The following ATP8A2 variants were observed in gnomAD, a reference collection of about 807,000 sequenced individuals.
The protein encoded by ATP8A2 is phospholipid-transporting ATPase IB.
A neutral mutation model predicts 165.6 loss-of-function variants in ATP8A2; 100 were observed. The observed-to-expected ratio is 0.60, with a 90% confidence interval of 0.51 to 0.71. ATP8A2 has a LOEUF of 0.71. Ranked by LOEUF, ATP8A2 falls within the 30% of genes least tolerant of loss-of-function variation. The pLI, the probability that ATP8A2 is intolerant of heterozygous loss-of-function variation, is 0.00. For synonymous variants in ATP8A2, 543 were observed against 548.8 expected (o/e 0.99, Z 0.15); for missense variants, 1,227 against 1,479.5 (o/e 0.83, Z 2.80).
At chr13:25,514,660 G>A (rs1174184856) in intron 2 of ATP8A2, among the ~76,000 whole-genome samples, 1 of 152,186 alleles carries the variant, frequency 6.6e-6, no homozygotes, top group Middle Eastern at 3.2e-3. Flanking sequence ...ACTCTTTATA[G>A]TTTATCTTGT....
chr13:25,893,022 A>AT (rs1169575531), intron 33 of ATP8A2, among the ~76,000 whole-genome samples: 2 of 150,334 alleles, frequency 1.3e-5, no homozygotes, highest in Non-Finnish European at 3.0e-5. Context: ...TCCAGAGAAG[A>AT]TTTTTTTTTC....
chr13:25,693,658 C>T (rs1212044778), intron 24 of ATP8A2, among the ~76,000 whole-genome samples: 1 of 130,548 alleles, frequency 7.7e-6, no homozygotes, highest in Non-Finnish European at 1.7e-5. Flanking sequence ...AGAGACATCC[C>T]TCAGATCTCT....
chr13:25,405,664 T>C (rs1426812238), intron 1 of ATP8A2, among the ~76,000 whole-genome samples: 1 of 152,122 alleles, frequency 6.6e-6, no homozygotes, highest in Non-Finnish European at 1.5e-5. Flanking sequence ...ATAAAGCTCA[T>C]TCAGGGCCAC....
chr13:25,470,646 A>G (rs2035817259), intron 2 of ATP8A2, among the ~76,000 whole-genome samples: 1 of 152,230 alleles, frequency 6.6e-6, no homozygotes, highest in Non-Finnish European at 1.5e-5. Context: ...CGTCCACACA[A>G]AAACTCATAC....
At chr13:25,945,984 CTCAGGGTTCTGGTGAAATGGA>C (rs1455345712) in intron 33 of ATP8A2, among the ~76,000 whole-genome samples, 5 of 152,210 alleles carry the variant, frequency 3.3e-5, no homozygotes, top group African/African-American at 1.2e-4. Flanking sequence ...TCTAGGACCT[CTCAGGGTTCTGGTGAAATGGA>C]TCATGTGAGA....
chr13:25,941,917 T>C (rs1453284066), intron 33 of ATP8A2, among the ~76,000 whole-genome samples: 4 of 152,220 alleles, frequency 2.6e-5, no homozygotes, highest in Non-Finnish European at 5.9e-5. Flanking sequence ...GTCCTCCCAG[T>C]CTCACTCCCC....
rs562597528 is a variant in ATP8A2, at chr13:25,421,604, G to T, written c.77-47373G>T. Among the ~76,000 whole-genome samples the T allele has an allele frequency of 4.2e-4, 64 of 152,362 alleles. 1 individual carries two copies. In the South Asian group the frequency reaches 0.013, roughly 31 times the overall value. ...CCTGCCTCAGCCTCCCAAGGACTGG[G>T]ATTACAGGGGTGAAACACCGTGCCT... On this transcript the variant is annotated intron_variant, in intron 1 of 36. Transcript: ENST00000381655.
chr13:25,780,903 A>T (rs2044860464), intron 27 of ATP8A2, among the ~76,000 whole-genome samples: 1 of 152,166 alleles, frequency 6.6e-6, no homozygotes, highest in African/African-American at 2.4e-5. Context: ...GACCAGCACC[A>T]GTCCAGTCCG....
chr13:25,530,298 A>G (rs775734813), intron 3 of ATP8A2, among the ~76,000 whole-genome samples, 200 bp downstream of exon 3: 36 of 152,228 alleles, frequency 2.4e-4, no homozygotes, highest in Non-Finnish European at 5.0e-4. Flanking sequence ...GGATGATTGC[A>G]GTGACTGAAA....
chr13:25,753,879 T>C (rs1197043788), intron 25 of ATP8A2, among the ~76,000 whole-genome samples: 4 of 152,372 alleles, frequency 2.6e-5, no homozygotes, highest in East Asian at 1.9e-4. Context: ...AGAAAATGGC[T>C]ATTTCCTAAT....
At chr13:25,942,721 G>A (rs529768993) in intron 33 of ATP8A2, among the ~76,000 whole-genome samples, 12 of 152,352 alleles carry the variant, frequency 7.9e-5, no homozygotes, top group African/African-American at 2.9e-4. Flanking sequence ...ACCGTGCCCA[G>A]CCAACTTATC....
chr13:25,758,889 T>C (rs1256728176), intron 25 of ATP8A2, among the ~76,000 whole-genome samples: 1 of 152,134 alleles, frequency 6.6e-6, no homozygotes, highest in East Asian at 1.9e-4. Flanking sequence ...AGTCTTTGGG[T>C]TTTAGAAGGT....
intron 18 of ATP8A2, among the ~76,000 whole-genome samples, chr13:25,573,300 A>G (rs1226346369): frequency 6.6e-6 from 1 of 152,184 alleles, no homozygotes; most frequent in Non-Finnish European, 1.5e-5. Context: ...CACTTCACTC[A>G]CAATGCCAAA....
intron 24 of ATP8A2, among the ~76,000 whole-genome samples, chr13:25,657,355 C>G (rs1361917558): frequency 6.6e-6 from 1 of 152,168 alleles, no homozygotes; most frequent in Non-Finnish European, 1.5e-5. Context: ...CAGATACTGA[C>G]TCTGTGCCCC....
intron 1 of ATP8A2, among the ~76,000 whole-genome samples, chr13:25,468,163 TG>T (rs2035722536): frequency 6.6e-6 from 1 of 152,052 alleles, no homozygotes; most frequent in African/African-American, 2.4e-5. Context: ...TGAAGGTTAT[TG>T]GGGGGCAGGG....
intron 24 of ATP8A2, among the ~76,000 whole-genome samples, chr13:25,661,528 CAAAT>C (rs1412078464): frequency 6.6e-6 from 1 of 151,992 alleles, no homozygotes; most frequent in African/African-American, 2.4e-5. Context: ...TGTAATATCT[CAAAT>C]ATATACTTAA....
chr13:25,714,325 A>G (rs1356739075), intron 25 of ATP8A2, among the ~76,000 whole-genome samples: 1 of 152,050 alleles, frequency 6.6e-6, no homozygotes. Flanking sequence ...ATTTTGCCCC[A>G]CTGACACATG....
intron 24 of ATP8A2, among the ~76,000 whole-genome samples, chr13:25,602,548 C>T (rs2040414312): frequency 6.6e-6 from 1 of 152,144 alleles, no homozygotes; most frequent in African/African-American, 2.4e-5. Context: ...TATGATCACC[C>T]TGTATCTGGA....
chr13:25,613,548 T>G (rs1295299029), intron 24 of ATP8A2, among the ~76,000 whole-genome samples: 1 of 152,066 alleles, frequency 6.6e-6, no homozygotes, highest in African/African-American at 2.4e-5. Context: ...CACTCCAGCC[T>G]GGAGACAGAG....
Sources: gnomAD v4.1 joint callset for allele counts (sites outside exome capture counted in the v4.1 genomes callset) on GRCh38, gnomAD v4.1.1 for gene constraint, MANE v1.5 for transcripts, NCBI Gene and HGNC (gene_info 2026-07-23, HGNC 2026-07-21) for gene names.